Variants in SKIC8 observed in about 807,000 individuals in gnomAD.
SKIC8 encodes the protein superkiller complex protein 8.
chr15:78,283,349 T>G, the SKIC8 span: 6 of 1,115,518 alleles, frequency 5.4e-6, no homozygotes, highest in Non-Finnish European at 7.7e-6. Flanking sequence ...GCTATATTTC[T>G]TTTAAACAAG....
At chr15:78,292,765 T>C in the SKIC8 span, 1 of 1,613,942 alleles carries the variant, frequency 6.2e-7, no homozygotes, top group Non-Finnish European at 8.5e-7. Flanking sequence ...CAGACTCCAC[T>C]GTAGGTCCAG....
the SKIC8 span, chr15:78,284,423 G>A: frequency 2.0e-5 from 3 of 152,136 alleles, no homozygotes; most frequent in African/African-American, 7.2e-5. Context: ...TTTCAAAGAG[G>A]AGAAATCTAT....
chr15:78,297,987 A>C, the SKIC8 span, among the ~76,000 whole-genome samples: 1 of 152,228 alleles, frequency 6.6e-6, no homozygotes, highest in South Asian at 2.1e-4. Context: ...TCCTGGCCTC[A>C]AACGATCCTC....
the SKIC8 span, chr15:78,284,441 T>G: frequency 6.6e-5 from 10 of 152,320 alleles, no homozygotes; most frequent in South Asian, 2.1e-3. Context: ...TATAGGACCA[T>G]CTAAAAATAT....
chr15:78,292,497 C>G, the SKIC8 span: 1 of 1,137,798 alleles, frequency 8.8e-7, no homozygotes, highest in African/African-American at 1.5e-5. Context: ...AGTTCATGCA[C>G]ACATTATCAC....
At chr15:78,283,646 T>C in the SKIC8 span, 1 of 716,986 alleles carries the variant, frequency 1.4e-6, no homozygotes, top group Non-Finnish European at 2.2e-6. Flanking sequence ...TTCTTGTACT[T>C]TCTAAATCAG....
At chr15:78,285,144 A>G in the SKIC8 span, 1 of 905,388 alleles carries the variant, frequency 1.1e-6, no homozygotes, top group Middle Eastern at 2.2e-4. Context: ...AGAGCAGCTC[A>G]GGCCCAGGCA....
chr15:78,292,958 A>C, the SKIC8 span: 1 of 964,266 alleles, frequency 1.0e-6, no homozygotes. Context: ...TAAATGTAGG[A>C]CTTTAAGATT....
At chr15:78,285,590 A>T in the SKIC8 span, 5 of 551,554 alleles carry the variant, frequency 9.1e-6, no homozygotes, top group South Asian at 1.1e-4. Flanking sequence ...CTATTTCCAG[A>T]TGGGAGGGAG....
chr15:78,285,947 AG>A, the SKIC8 span: 1 of 1,019,696 alleles, frequency 9.8e-7, no homozygotes, highest in East Asian at 2.7e-5. Flanking sequence ...TGAATAAAAA[AG>A]GGTCAAACAT....
At chr15:78,285,359 T>A in the SKIC8 span, 1 of 1,612,066 alleles carries the variant, frequency 6.2e-7, no homozygotes, top group Non-Finnish European at 8.5e-7. Context: ...AAAGTGAACA[T>A]TAGTATCGGT....
chr15:78,289,460 T>C, the SKIC8 span, among the ~76,000 whole-genome samples: 6 of 152,080 alleles, frequency 3.9e-5, no homozygotes, highest in African/African-American at 1.4e-4. Flanking sequence ...AAAACTATAG[T>C]GACAAGACTA....
At chr15:78,284,437 A>C in the SKIC8 span, 4 of 152,344 alleles carry the variant, frequency 2.6e-5, no homozygotes, top group East Asian at 7.7e-4. Context: ...AATCTATAGG[A>C]CCATCTAAAA....
At chr15:78,294,842 G>A in the SKIC8 span, 1 of 1,332,724 alleles carries the variant, frequency 7.5e-7, no homozygotes, top group East Asian at 2.3e-5. Context: ...TGCAAAGTGA[G>A]TATACTTGAA....
At chr15:78,294,086 T>C in the SKIC8 span, among the ~76,000 whole-genome samples, 2 of 152,180 alleles carry the variant, frequency 1.3e-5, no homozygotes, top group Non-Finnish European at 2.9e-5. Flanking sequence ...ACAGACAGCG[T>C]TGTGGCTTCC....
chr15:78,291,526 A>G, the SKIC8 span, among the ~76,000 whole-genome samples: 5 of 152,316 alleles, frequency 3.3e-5, no homozygotes, highest in Middle Eastern at 6.8e-3. Context: ...TACTCTGAAC[A>G]CTATGATTCA....
the SKIC8 span, chr15:78,295,560 T>C: frequency 1.4e-6 from 2 of 1,436,110 alleles, no homozygotes; most frequent in Admixed American, 1.7e-5. Flanking sequence ...CCCAGCTCTT[T>C]AGGAGCCAGG....
At chr15:78,294,805 G>GT in the SKIC8 span, 1 of 768,400 alleles carries the variant, frequency 1.3e-6, no homozygotes, top group Middle Eastern at 2.4e-4. Context: ...TTTTTTAAGA[G>GT]TATTTGTTTT....
the SKIC8 span, chr15:78,292,107 T>TCACA: frequency 1.3e-5 from 2 of 155,066 alleles, no homozygotes; most frequent in Non-Finnish European, 2.9e-5. Context: ...ATACCAAGAA[T>TCACA]CACACCCTTT....
Sources: allele counts gnomAD v4.1 joint callset (sites outside exome capture counted in the v4.1 genomes callset), GRCh38; gene constraint gnomAD v4.1.1; transcripts MANE v1.5; gene names NCBI Gene and HGNC (gene_info 2026-07-23, HGNC 2026-07-21).